TBC1D5: variants seen among roughly 807,000 people sequenced by gnomAD.
TBC1D5 encodes the protein TBC1 domain family member 5, also known as TBC1 domain family, member 5.
TBC1D5 carries 75 observed loss-of-function variants against 100.3 expected under a neutral mutation model. The observed-to-expected ratio is 0.75, with a 90% CI of 0.62 to 0.91. The LOEUF is 0.91. Among genes scored for constraint, TBC1D5 ranks in the 40% least tolerant of loss-of-function variants. The pLI is 0.00. For missense variants in TBC1D5, 910 were observed against 942.4 expected, an observed-to-expected ratio of 0.97 and a Z score of 0.45; for synonymous variants, 323 against 325.6, an observed-to-expected ratio of 0.99 and a Z score of 0.09.
At chr3:17,382,226 T>A (rs1362782836) in intron 9 of TBC1D5, among the ~76,000 whole-genome samples, 1 of 152,098 alleles carries the variant, frequency 6.6e-6, no homozygotes, top group East Asian at 1.9e-4. Context: ...ATCTTACAGA[T>A]GCAAAACTAA....
At chr3:17,738,059 T>G (rs529424329) in intron 1 of TBC1D5, among the ~76,000 whole-genome samples, 12 of 152,196 alleles carry the variant, frequency 7.9e-5, no homozygotes, top group Non-Finnish European at 1.6e-4. Context: ...TTTTAACCAA[T>G]CCTTTCACAC....
chr3:17,295,071 A>G (rs2082116266), intron 14 of TBC1D5, among the ~76,000 whole-genome samples: 1 of 152,224 alleles, frequency 6.6e-6, no homozygotes, highest in South Asian at 2.1e-4. Context: ...ATTAAGAAAA[A>G]TTATTGAGTT....
chr3:17,583,236 G>A (rs149544724), intron 2 of TBC1D5, among the ~76,000 whole-genome samples: 1 of 152,036 alleles, frequency 6.6e-6, no homozygotes, highest in South Asian at 2.1e-4. Context: ...AGTGGGCTGA[G>A]ATCATGCCAC....
intron 3 of TBC1D5, among the ~76,000 whole-genome samples, chr3:17,506,685 G>A (rs1330342031): frequency 2.6e-5 from 4 of 151,604 alleles, no homozygotes; most frequent in South Asian, 2.1e-4. Context: ...GGATATAAAC[G>A]AAAAGCCTTT....
At chr3:17,677,610 T>C (rs892417251) in intron 1 of TBC1D5, among the ~76,000 whole-genome samples, 17 of 152,132 alleles carry the variant, frequency 1.1e-4, no homozygotes, top group African/African-American at 3.9e-4. Flanking sequence ...GACCCAGAAC[T>C]AGAAATGCCA....
chr3:17,307,327 C>T (rs1374260605), intron 14 of TBC1D5, among the ~76,000 whole-genome samples: 1 of 152,138 alleles, frequency 6.6e-6, no homozygotes, highest in Admixed American at 6.5e-5. Flanking sequence ...TTGATTACTT[C>T]TCTGAGACAG....
At chr3:17,386,192 T>C (rs1178815248) in intron 8 of TBC1D5, among the ~76,000 whole-genome samples, 2 of 152,040 alleles carry the variant, frequency 1.3e-5, no homozygotes, top group Non-Finnish European at 1.5e-5. Context: ...TTTAACTCTG[T>C]CTTCAAGTAG....
intron 21 of TBC1D5, among the ~76,000 whole-genome samples, chr3:17,162,660 A>G (rs2066183951): frequency 6.6e-6 from 1 of 150,394 alleles, no homozygotes; most frequent in South Asian, 2.1e-4. Context: ...GTCTGATAGC[A>G]GGGGATGTGA....
chr3:17,312,017 G>A (rs1207438596), intron 13 of TBC1D5, among the ~76,000 whole-genome samples: 1 of 152,020 alleles, frequency 6.6e-6, no homozygotes, highest in Non-Finnish European at 1.5e-5. Flanking sequence ...AAAAAGCAAG[G>A]TAAAAATGTT....
chr3:17,299,045 C>T (rs1365826743), intron 14 of TBC1D5, among the ~76,000 whole-genome samples: 3 of 152,136 alleles, frequency 2.0e-5, no homozygotes, highest in South Asian at 2.1e-4. Context: ...AGATTAGCAA[C>T]AATACCTAAT....
chr3:17,320,983 G>T (rs2085332727), intron 13 of TBC1D5, among the ~76,000 whole-genome samples: 1 of 152,156 alleles, frequency 6.6e-6, no homozygotes, highest in African/African-American at 2.4e-5. Flanking sequence ...AACCAACTAA[G>T]ATAGGAAGCA....
At chr3:17,447,271 T>C (rs73161472) in intron 3 of TBC1D5, among the ~76,000 whole-genome samples, 13,863 of 152,240 alleles carry the variant, frequency 0.091, 1,423 homozygotes, top group African/African-American at 0.26. Flanking sequence ...CTGCTGTAGC[T>C]GAAAGAAGTG....
At chr3:17,475,729 G>C (rs911548193) in intron 3 of TBC1D5, among the ~76,000 whole-genome samples, 1 of 152,058 alleles carries the variant, frequency 6.6e-6, no homozygotes, top group African/African-American at 2.4e-5. Context: ...ACTGTTTCCA[G>C]TTTTGTTATC....
intron 1 of TBC1D5, among the ~76,000 whole-genome samples, chr3:17,731,824 T>C (rs780645798): frequency 6.6e-6 from 1 of 152,064 alleles, no homozygotes; most frequent in Non-Finnish European, 1.5e-5. Context: ...GAGATGGTAG[T>C]GCTGAGATTA....
intron 2 of TBC1D5, among the ~76,000 whole-genome samples, chr3:17,587,868 A>G (rs1171586152): frequency 6.6e-6 from 1 of 152,062 alleles, no homozygotes; most frequent in Non-Finnish European, 1.5e-5. Context: ...TTGTAAAAAT[A>G]CAGACCATTT....
Position 17,201,615 on chromosome 3 carries a change from G to A in TBC1D5, c.1752+12592C>T, listed in dbSNP as rs117306715. Among the ~76,000 whole-genome samples, 31 of 152,290 alleles carry A rather than the reference G, an allele frequency of 2.0e-4. No homozygotes were observed. In the East Asian group the frequency reaches 5.6e-3, roughly 27 times the overall value. On this transcript the variant is annotated intron_variant, in intron 18 of 21. Coordinates refer to ENST00000253692, the Ensembl canonical transcript of TBC1D5. ...GTGTTACAGCAGAGGCAGGATGGGA[G>A]GTGATTGGATCATTTGGATTACAGG...
intron 3 of TBC1D5, among the ~76,000 whole-genome samples, chr3:17,434,112 AC>A (rs1348270603): frequency 1.3e-5 from 2 of 152,168 alleles, no homozygotes; most frequent in Admixed American, 1.3e-4. Context: ...CTGCAGCTTT[AC>A]CAGGTGCACA....
chr3:17,168,443 A>G (rs1267352347), intron 19 of TBC1D5, among the ~76,000 whole-genome samples: 1 of 152,160 alleles, frequency 6.6e-6, no homozygotes, highest in Non-Finnish European at 1.5e-5. Flanking sequence ...TGAGGGACCC[A>G]CCAAGCCAGC....
rs901100639 is a variant in TBC1D5, at chr3:17,544,274, T to A, written c.-35-35669A>T. On this transcript the variant is annotated intron_variant, in intron 2 of 21. Transcript: ENST00000253692. The stretch of plus-strand genomic sequence containing the variant: ...AGACAAAAGACTATCTATTCAAAAT[T>A]GTACATGAAAACCCACCTATCACTG... Among the ~76,000 whole-genome samples the A allele has an allele frequency of 4.6e-4, 70 of 152,176 alleles. 1 individual carries two copies. The highest frequency in any genetic ancestry group is 1.3e-4 in the Non-Finnish European group (9 of 68,022).
Sources: allele counts gnomAD v4.1 joint callset (sites outside exome capture counted in the v4.1 genomes callset), GRCh38; gene constraint gnomAD v4.1.1; transcripts MANE v1.5; gene names NCBI Gene and HGNC (gene_info 2026-07-23, HGNC 2026-07-21).